Variants in MOGAT3 observed in about 807,000 individuals in gnomAD.
MOGAT3 encodes monoacylglycerol O-acyltransferase 3, also known as 2-acylglycerol O-acyltransferase 3.
MOGAT3 carries 39 observed loss-of-function variants against 34.4 expected under a neutral mutation model. That is an observed-to-expected ratio of 1.13 (90% CI 0.88 to 1.48). The LOEUF is 1.48. MOGAT3 is among the 40% of genes most tolerant of loss of function. The probability of loss-of-function intolerance (pLI) is 0.00; values close to 1 mark genes in which losing one functional copy is unlikely to be tolerated. For synonymous variants in MOGAT3, 209 were observed against 179.2 expected (o/e 1.17, Z -1.33); for missense variants, 439 against 438.9 (o/e 1.00, Z 0.00).
chr7:101,196,014 C>G lies in MOGAT3; in HGVS notation c.958G>C (p.Glu320Gln), dbSNP rs2116761096. The change falls in exon 7 of 7, where the codon GAG (glutamate) becomes CAG (glutamine). Residue 320 changes from glutamate (E) to glutamine (Q), a missense_variant. By Grantham distance (29) the Glu-to-Gln change is conservative. Transcript: ENST00000223114. ...TCCTTGTGCTCCTCGAAGAGCTGCT[C>G]CAGGGCCGTCATGTAGAGGGCGTGA... ...HYHALYMTAL[E>Q]QLFEEHKESC... is the part of the protein sequence containing the mutation. 8.1e-6 allele frequency: 13 copies of G among 1,614,122 alleles called. No homozygotes were observed. The highest frequency in any genetic ancestry group is 1.1e-5 in the Non-Finnish European group (13 of 1,180,018).
rs541766074 is a variant in MOGAT3 at position 101,200,580 on chromosome 7, C to G, written c.110-65G>C. The G allele has an allele frequency of 7.2e-6, 10 of 1,389,656 alleles. No individual in the cohort carries two copies. In the South Asian group the frequency reaches 1.2e-4, roughly 17 times the overall value. The allele number at this position is 1,389,656 out of a possible 1,614,324, so 86.1% of individuals were successfully genotyped here. A position where few individuals can be genotyped will look rare whatever the true frequency, so the allele number is the denominator to read the frequency against. The stretch of plus-strand genomic sequence containing the variant: ...ACTCCATCATTCCCTCCAGCTGCTC[C>G]CTTCCCTTCCTCCCCTTCAGAACAA... On this transcript the variant is annotated intron_variant, in intron 1 of 6. Transcript: ENST00000223114.
intron 5 of MOGAT3, 101 bp downstream of exon 5, chr7:101,198,090 T>C (rs1437353895): frequency 1.5e-6 from 2 of 1,376,180 alleles, no homozygotes; most frequent in Non-Finnish European, 2.0e-6. Flanking sequence ...CGCTGGTCTC[T>C]GGGCACCCGG....
In MOGAT3 at chr7:101,198,188, C is replaced by G; in HGVS notation, c.668+3G>C. The G allele has an allele frequency of 6.2e-7, 1 of 1,610,322 alleles. No individual in the cohort carries two copies. Among genetic ancestry groups the G allele is most frequent in the Non-Finnish European group, 8.5e-7 (1 of 1,177,950 alleles). On this transcript the variant is annotated splice_donor_region_variant and intron_variant, in intron 5 of 6. Coordinates refer to ENST00000223114, the MANE Select transcript of MOGAT3 (RefSeq NM_178176.4). Reference sequence around the variant, plus strand: ...GACAGGTAGGGCCTGCACGCGCACTCACCCGTGCCTCAGCGCCAGGCGCAC... The same window carrying G: ...GACAGGTAGGGCCTGCACGCGCACTGACCCGTGCCTCAGCGCCAGGCGCAC...
At position 101,196,370 on chromosome 7, in the gene MOGAT3, A is replaced by G. The variant is rs761772642; in HGVS notation, c.688T>C (p.Tyr230His). 3 of 1,612,054 alleles carry G rather than the reference A, an allele frequency of 1.9e-6. No individual in the cohort carries two copies. The African/African-American group carries it at 4.0e-5, about 22-fold the overall frequency. ...AAGATGTCATTCTCCCCAAAGGAGTACACGGGCACCAGGGACGCCCTGGGA... is the reference window on the plus strand; with the variant it reads ...AAGATGTCATTCTCCCCAAAGGAGTGCACGGGCACCAGGGACGCCCTGGGA... ...LRHGASLVPVYSFGENDIFRL... is the reference protein window; with the variant it reads ...LRHGASLVPVHSFGENDIFRL... The change falls in exon 6 of 7, where the codon TAC (tyrosine) becomes CAC (histidine). Residue 230 changes from tyrosine (Y) to histidine (H), a missense_variant. Tyr to His is a moderately conservative substitution (Grantham distance 83, BLOSUM62 2). Coordinates refer to ENST00000223114, the MANE Select transcript of MOGAT3 (RefSeq NM_178176.4).
rs747734066 is a variant in MOGAT3, at chr7:101,196,391, T to G, written c.669-2A>C. ...GAGTACACGGGCACCAGGGACGCCC[T>G]GGGAAGGAGCAAGAGAGAAGAGGGG... On this transcript the variant is annotated splice_acceptor_variant, in intron 5 of 6. Coordinates refer to ENST00000223114, the MANE Select transcript of MOGAT3 (RefSeq NM_178176.4). LOFTEE classifies it high-confidence loss of function. 1.9e-6 allele frequency: 3 copies of G among 1,605,572 alleles called. No homozygotes were observed. In the East Asian group the frequency reaches 6.7e-5, roughly 36 times the overall value.
Position 101,196,167 on chromosome 7 carries a change from C to T in MOGAT3, c.871+20G>A. On this transcript the variant is annotated intron_variant, in intron 6 of 6. Transcript: ENST00000223114. ...CCCACGCAGCTGCTGGTGGCCGTCC[C>T]CCCGGAGGTGGGCACTCACCCACAG... 3.2e-6 allele frequency: 5 copies of T among 1,570,070 alleles called. No homozygotes were observed. Among genetic ancestry groups the T allele is most frequent in the Non-Finnish European group, 4.3e-6 (5 of 1,157,294 alleles).
chr7:101,199,143 G>C (rs1395418615), intron 3 of MOGAT3, among the ~76,000 whole-genome samples: 4 of 151,980 alleles, frequency 2.6e-5, no homozygotes, highest in Non-Finnish European at 4.4e-5. Flanking sequence ...GAGTAGCTGG[G>C]ATTACAGGCA....
intron 5 of MOGAT3, among the ~76,000 whole-genome samples, chr7:101,197,081 G>C (rs1797811075): frequency 6.6e-6 from 1 of 151,606 alleles, no homozygotes. Context: ...GGGAGGTGGA[G>C]GTTGCAGCGA....
chr7:101,193,982 C>T (rs571371338), downstream of MOGAT3, among the ~76,000 whole-genome samples: 172 of 151,980 alleles, frequency 1.1e-3, no homozygotes, highest in African/African-American at 3.9e-3. Context: ...GATGCTGTGA[C>T]CACCCCAGGG....
intron 3 of MOGAT3, 85 bp downstream of exon 3, chr7:101,200,149 G>T: frequency 8.5e-7 from 1 of 1,183,216 alleles, no homozygotes. Context: ...GGGGAGCTCA[G>T]GCCCCAGCAC....
chr7:101,200,497 A>G lies in MOGAT3; in HGVS notation c.128T>C (p.Leu43Pro), dbSNP rs1189270288. The G allele has an allele frequency of 1.9e-6, 3 of 1,596,162 alleles. No homozygotes were observed. In the South Asian group the frequency reaches 3.4e-5, roughly 18 times the overall value. ...TGACGTGAAGAGGAGGACAAAGACAAGAAGGGAGAAGAAAGGGCCTGGGGG... is the reference window on the plus strand; with the variant it reads ...TGACGTGAAGAGGAGGACAAAGACAGGAAGGGAGAAGAAAGGGCCTGGGGG... ...FLFMGPFFSLLVFVLLFTSLW... is the reference protein window; with the variant it reads ...FLFMGPFFSLPVFVLLFTSLW... Residue 43 changes from leucine (L) to proline (P), a missense_variant, in exon 2 of 7, where the codon CTT becomes CCT. Transcript: ENST00000223114.
At chr7:101,198,138 A>T (rs1797845065) in intron 5 of MOGAT3, 53 bp downstream of exon 5, 6 of 1,555,142 alleles carry the variant, frequency 3.9e-6, no homozygotes, top group Non-Finnish European at 4.4e-6. Context: ...GGGGACTGAG[A>T]GAGGGCATAA....
chr7:101,200,484 G>A lies in MOGAT3; in HGVS notation c.141C>T (p.Leu47=). ...GPFFSLLVFV[L]LFTSLWPFSV... Reference sequence around the variant, plus strand: ...AGAAGGGCCAGAGTGACGTGAAGAGGAGGACAAAGACAAGAAGGGAGAAGA... The same window carrying A: ...AGAAGGGCCAGAGTGACGTGAAGAGAAGGACAAAGACAAGAAGGGAGAAGA... Residue 47 remains leucine (L), a synonymous_variant, in exon 2 of 7, where the codon CTC becomes CTT. Coordinates refer to ENST00000223114, the MANE Select transcript of MOGAT3 (RefSeq NM_178176.4). 1 of 1,603,152 alleles carries A rather than the reference G, an allele frequency of 6.2e-7. No homozygotes were observed. The highest frequency in any genetic ancestry group is 8.5e-7 in the Non-Finnish European group (1 of 1,174,502).
Position 101,196,233 on chromosome 7 carries a change from G to A in MOGAT3, c.825C>T (p.Ala275=). The part of the protein sequence containing the change: ...CIFWGRGLFS[A]TSWGLLPFAV... ...CAAAGGGCAGCAGGCCCCAGGAGGT[G>A]GCTGAGAAGAGACCGCGACCCCAGA... The change falls in exon 6 of 7, where the codon GCC becomes GCT. Residue 275 remains alanine (A), a synonymous_variant. Transcript: ENST00000223114. The A allele has an allele frequency of 6.3e-7, 1 of 1,594,896 alleles. No individual in the cohort carries two copies. Among genetic ancestry groups the A allele is most frequent in the South Asian group, 1.1e-5 (1 of 88,660 alleles).
At chr7:101,198,146 T>C (rs765246742) in intron 5 of MOGAT3, 45 bp downstream of exon 5, 3 of 1,568,104 alleles carry the variant, frequency 1.9e-6, no homozygotes, top group South Asian at 1.2e-5. Context: ...AGAGAGGGCA[T>C]AAACCAGCAG....
chr7:101,199,976 C>T (rs1207607713), intron 3 of MOGAT3, among the ~76,000 whole-genome samples: 2 of 151,866 alleles, frequency 1.3e-5, no homozygotes, highest in Non-Finnish European at 2.9e-5. Context: ...ACCTATAATC[C>T]CAGCTACTAG....
chr7:101,198,281 C>A lies in MOGAT3; in HGVS notation c.578G>T (p.Gly193Val). ...LGQAVVIMVG[G>V]AHEALYSVPG... is the part of the protein sequence containing the mutation. ...GACTGAATACAGGGCCTCGTGCGCACCCCCCACCATGATGACCACGGCCTG... is the reference window on the plus strand; with the variant it reads ...GACTGAATACAGGGCCTCGTGCGCAACCCCCACCATGATGACCACGGCCTG... The change falls in exon 5 of 7, where the codon GGT becomes GTT. Residue 193 changes from glycine (G) to valine (V), a missense_variant. Physicochemically the swap from Gly to Val is moderately radical, Grantham distance 109. Transcript: ENST00000223114. 1.2e-6 allele frequency: 2 copies of A among 1,606,306 alleles called. No homozygotes were observed. Among genetic ancestry groups the A allele is most frequent in the East Asian group, 2.2e-5 (1 of 44,694 alleles).
chr7:101,199,000 G>GT lies in MOGAT3; in HGVS notation c.289-171dup, dbSNP rs56137538. ...TCTTAGGATAGGGTTAAGGGCCCAG[G>GT]TTTTTTTTTTTTTTTTTTTTGAGAT... is the stretch of plus-strand genomic sequence containing the variant. On this transcript the variant is annotated intron_variant, in intron 3 of 6. Coordinates refer to ENST00000223114, the MANE Select transcript of MOGAT3 (RefSeq NM_178176.4). Among the ~76,000 whole-genome samples the GT allele has an allele frequency of 8.5e-3, 854 of 100,176 alleles. 14 individuals are homozygous for GT. The highest frequency in any genetic ancestry group is 0.024 in the African/African-American group (572 of 24,144). The allele number at this position is 100,176 out of a possible 152,430, so 65.7% of individuals were successfully genotyped here.
At position 101,198,379 on chromosome 7, in the gene MOGAT3, G is replaced by C. The variant is rs371433949; in HGVS notation, c.494-14C>G. 26 of 1,529,066 alleles carry C rather than the reference G, an allele frequency of 1.7e-5. No homozygotes were observed. Among genetic ancestry groups the C allele is most frequent in the Middle Eastern group, 3.7e-4 (2 of 5,456 alleles). The allele number at this position is 1,529,066 out of a possible 1,614,324, so 94.7% of individuals were successfully genotyped here. A position where few individuals can be genotyped will look rare whatever the true frequency, so the allele number is the denominator to read the frequency against. On this transcript the variant is annotated splice_polypyrimidine_tract_variant and intron_variant, in intron 4 of 6. Transcript: ENST00000223114. ...CCGGACAGAGTCCTGTGGGCAGGAG[G>C]AGGTGGAAAGTAGTTCCCATCTGCC...
Sources: gnomAD v4.1 joint callset for allele counts (sites outside exome capture counted in the v4.1 genomes callset) on GRCh38, gnomAD v4.1.1 for gene constraint, MANE v1.5 for transcripts, NCBI Gene and HGNC (gene_info 2026-07-23, HGNC 2026-07-21) for gene names.